Variants in ADAMTSL1 observed in about 807,000 individuals in gnomAD.
The protein encoded by ADAMTSL1 is ADAMTS-like protein 1.
Under a neutral mutation model 201.8 loss-of-function variants are expected in ADAMTSL1, and 126 were observed. The ratio of observed to expected loss-of-function variants is 0.62; its 90% CI spans 0.54 to 0.72. The LOEUF is 0.72. Ranked by LOEUF, ADAMTSL1 falls within the 30% of genes least tolerant of loss-of-function variation. The probability of loss-of-function intolerance (pLI) is 0.00; values close to 1 mark genes in which losing one functional copy is unlikely to be tolerated. For synonymous variants in ADAMTSL1, 1,121 were observed against 903.4 expected (o/e 1.24, Z -4.32); for missense variants, 2,679 against 2,277.8 (o/e 1.18, Z -3.59).
In ADAMTSL1 at chr9:18,762,093, AC is replaced by A. The variant is rs1820101617; in HGVS notation, c.2218-8508del. 2.6e-5 allele frequency among the ~76,000 whole-genome samples: 4 copies of A among 152,262 alleles called. No homozygotes were observed. In the Middle Eastern group the frequency reaches 0.014, roughly 521 times the overall value. ...GCTCATCCAATCATCAATTCAACAA[AC>A]ATTTATGAAGTGCATGCTCTTTGCC... On this transcript the variant is annotated intron_variant, in intron 16 of 28. Transcript: ENST00000380548.
intron 1 of ADAMTSL1, among the ~76,000 whole-genome samples, chr9:17,936,302 C>A (rs144528982): frequency 6.6e-6 from 1 of 152,080 alleles, no homozygotes; most frequent in African/African-American, 2.4e-5. Flanking sequence ...TCACTGTAGT[C>A]CATTTTTAAA....
intron 1 of ADAMTSL1, among the ~76,000 whole-genome samples, chr9:18,011,950 A>C (rs955169008): frequency 6.6e-6 from 1 of 152,052 alleles, no homozygotes; most frequent in Non-Finnish European, 1.5e-5. Flanking sequence ...CCTCTTAGAC[A>C]TAGGGGCAAT....
chr9:18,152,548 G>A (rs1376204803), intron 1 of ADAMTSL1, among the ~76,000 whole-genome samples: 1 of 151,924 alleles, frequency 6.6e-6, no homozygotes, highest in East Asian at 1.9e-4. Context: ...TTAGTTTGTT[G>A]GGTTGGAGGC....
chr9:18,083,821 T>G (rs752564251), intron 1 of ADAMTSL1, among the ~76,000 whole-genome samples: 10 of 152,200 alleles, frequency 6.6e-5, no homozygotes, highest in Non-Finnish European at 1.2e-4. Flanking sequence ...CAATACAACA[T>G]TCTTGCTCTA....
At chr9:18,870,171 C>T (rs977839907) in intron 23 of ADAMTSL1, among the ~76,000 whole-genome samples, 1 of 152,128 alleles carries the variant, frequency 6.6e-6, no homozygotes, top group Non-Finnish European at 1.5e-5. Context: ...ATAATAGCTG[C>T]TTAAAGTCAG....
chr9:18,874,718 G>A (rs541385412), intron 23 of ADAMTSL1, among the ~76,000 whole-genome samples: 68 of 152,070 alleles, frequency 4.5e-4, no homozygotes, highest in African/African-American at 1.6e-3. Context: ...GTTCACCAGC[G>A]ATACTGGTCT....
intron 2 of ADAMTSL1, among the ~76,000 whole-genome samples, chr9:18,339,488 G>A (rs1373112268): frequency 3.3e-5 from 5 of 152,118 alleles, no homozygotes; most frequent in Admixed American, 6.6e-5. Flanking sequence ...CAAAGGGAAC[G>A]CTTATACATT....
At chr9:18,596,710 T>C (rs984462020) in intron 4 of ADAMTSL1, among the ~76,000 whole-genome samples, 1 of 152,218 alleles carries the variant, frequency 6.6e-6, no homozygotes, top group Non-Finnish European at 1.5e-5. Context: ...TTTTGTATTG[T>C]TGATTTATTC....
intron 1 of ADAMTSL1, among the ~76,000 whole-genome samples, chr9:17,985,688 T>A (rs1818898757): frequency 6.6e-6 from 1 of 152,106 alleles, no homozygotes; most frequent in South Asian, 2.1e-4. Flanking sequence ...AATTCCGCAA[T>A]CTCTAAATAT....
chr9:18,173,445 C>G (rs1827996756), intron 2 of ADAMTSL1, among the ~76,000 whole-genome samples: 2 of 152,064 alleles, frequency 1.3e-5, no homozygotes, highest in East Asian at 1.9e-4. Context: ...GAGAGGGACT[C>G]TTTTTTTACA....
intron 20 of ADAMTSL1, among the ~76,000 whole-genome samples, chr9:18,813,869 T>C (rs1823667648): frequency 6.6e-6 from 1 of 152,218 alleles, no homozygotes; most frequent in African/African-American, 2.4e-5. Context: ...GTGGTGAACA[T>C]GGATATTCTT....
intron 21 of ADAMTSL1, 60 bp downstream of exon 21, chr9:18,817,297 A>G: frequency 2.0e-6 from 3 of 1,500,424 alleles, no homozygotes; most frequent in Middle Eastern, 1.7e-4. Flanking sequence ...GGTTGGGGAT[A>G]CAAAGACAAA....
intron 2 of ADAMTSL1, among the ~76,000 whole-genome samples, chr9:18,193,865 A>G (rs1440965564): frequency 6.6e-6 from 1 of 152,126 alleles, no homozygotes; most frequent in African/African-American, 2.4e-5. Context: ...CTGTATTAAA[A>G]TTGTTTGCAC....
chr9:18,389,614 T>C (rs1837960301), intron 2 of ADAMTSL1, among the ~76,000 whole-genome samples: 1 of 152,176 alleles, frequency 6.6e-6, no homozygotes, highest in African/African-American at 2.4e-5. Context: ...AGAGTTCATA[T>C]GCAATATGTA....
At chr9:18,746,275 GA>G (rs1415541055) in intron 15 of ADAMTSL1, among the ~76,000 whole-genome samples, 1 of 152,218 alleles carries the variant, frequency 6.6e-6, no homozygotes, top group Non-Finnish European at 1.5e-5. Context: ...CTGAAAGGGA[GA>G]TGCATCCTGA....
At chr9:18,682,654 A>G (rs1830573437) in intron 12 of ADAMTSL1, among the ~76,000 whole-genome samples, 1 of 152,186 alleles carries the variant, frequency 6.6e-6, no homozygotes, top group African/African-American at 2.4e-5. Context: ...GTCACAAACC[A>G]TTCAGAAGTA....
chr9:18,002,318 A>G (rs1213258780), intron 1 of ADAMTSL1, among the ~76,000 whole-genome samples: 2 of 151,924 alleles, frequency 1.3e-5, no homozygotes, highest in Non-Finnish European at 2.9e-5. Context: ...AAAACCAAAC[A>G]CCTGAGTTCA....
rs1468206172 is a variant in ADAMTSL1 at position 18,442,143 on chromosome 9, AAG to A, written c.208-62684_208-62683del. 2.0e-5 allele frequency among the ~76,000 whole-genome samples: 3 copies of A among 152,338 alleles called. No individual in the cohort carries two copies. In the East Asian group the frequency reaches 5.8e-4, roughly 29 times the overall value. ...TAGATGAAATTCAAAATATCTTCTG[AAG>A]ACAAACGAGAGCTTTATTCTAAAAG... On this transcript the variant is annotated intron_variant, in intron 2 of 29. Coordinates refer to the ADAMTSL1 transcript ENST00000680146.
intron 7 of ADAMTSL1, among the ~76,000 whole-genome samples, chr9:18,647,904 C>T (rs7847776): frequency 0.4 from 59,744 of 148,766 alleles, 12,679 homozygotes; most frequent in East Asian, 0.76. Context: ...CTATTAGGTC[C>T]GCTTGGTGCA....
Sources: allele counts gnomAD v4.1 joint callset (sites outside exome capture counted in the v4.1 genomes callset), GRCh38; gene constraint gnomAD v4.1.1; transcripts MANE v1.5; gene names NCBI Gene and HGNC (gene_info 2026-07-23, HGNC 2026-07-21).